The following SDK1 variants were observed in gnomAD, a reference collection of about 807,000 sequenced individuals.
SDK1 encodes the protein sidekick cell adhesion molecule 1.
SDK1 carries 157 observed loss-of-function variants against 245.5 expected under a neutral mutation model. The ratio of observed to expected loss-of-function variants is 0.64; its 90% CI spans 0.56 to 0.73. The LOEUF (loss-of-function observed/expected upper bound fraction) is 0.73. Ranked by LOEUF, SDK1 falls within the 30% of genes least tolerant of loss-of-function variation. The pLI is 0.00. For synonymous variants in SDK1, 1,647 were observed against 1,278.5 expected (o/e 1.29, Z -6.15); for missense variants, 3,583 against 3,002.3 (o/e 1.19, Z -4.52).
At position 3,310,340 on chromosome 7, in the gene SDK1, T is replaced by G. The variant is rs866559085; in HGVS notation, c.298+8456T>G. Among the ~76,000 whole-genome samples the G allele has an allele frequency of 7.2e-5, 11 of 152,260 alleles. No homozygotes were observed. The South Asian group carries it at 2.3e-3, about 32-fold the overall frequency. ...TTTTTGTTGCAAAATTGAGAATGGGTTGGAAGAAACCAGAATGAATGACTG... is the reference window on the plus strand; with the variant it reads ...TTTTTGTTGCAAAATTGAGAATGGGGTGGAAGAAACCAGAATGAATGACTG... On this transcript the variant is annotated intron_variant, in intron 1 of 44. Coordinates refer to ENST00000404826, the MANE Select transcript of SDK1 (RefSeq NM_152744.4).
At position 3,819,384 on chromosome 7, in the gene SDK1, C is replaced by T. The variant is rs141029308; in HGVS notation, c.714-2066C>T. Among the ~76,000 whole-genome samples the T allele has an allele frequency of 1.9e-3, 288 of 151,368 alleles. 2 individuals carry two copies. The highest frequency in any genetic ancestry group is 6.6e-3 in the African/African-American group (274 of 41,304). ...ATTTTCAATACTCTTGAAATAATGC[C>T]GTAAATAATATCGAGAATTCATGGA... On this transcript the variant is annotated intron_variant, in intron 4 of 44. Transcript: ENST00000404826.
intron 22 of SDK1, among the ~76,000 whole-genome samples, chr7:4,083,805 TCCTTC>T (rs1781254030): frequency 3.2e-5 from 1 of 31,570 alleles, no homozygotes; most frequent in Non-Finnish European, 5.7e-5. Context: ...CTCCCTCCCT[TCCTTC>T]CTTTCTTCCT....
At chr7:4,024,681 G>T (rs919655333) in intron 17 of SDK1, among the ~76,000 whole-genome samples, 2 of 152,182 alleles carry the variant, frequency 1.3e-5, no homozygotes, top group Admixed American at 1.3e-4. Context: ...ATTGGACAGA[G>T]GCAAAGATGG....
intron 5 of SDK1, among the ~76,000 whole-genome samples, chr7:3,865,543 C>G (rs1258360496): frequency 6.6e-6 from 1 of 152,208 alleles, no homozygotes; most frequent in African/African-American, 2.4e-5. Context: ...AGGTCTCGCT[C>G]TGTCGCCCAG....
chr7:3,983,003 C>G (rs1783534871), intron 13 of SDK1, among the ~76,000 whole-genome samples: 1 of 152,096 alleles, frequency 6.6e-6, no homozygotes. Flanking sequence ...AGCAAGAGAA[C>G]TAGAATTAGA....
intron 1 of SDK1, among the ~76,000 whole-genome samples, chr7:3,443,598 A>G (rs916088119): frequency 6.6e-6 from 1 of 152,204 alleles, no homozygotes; most frequent in African/African-American, 2.4e-5. Flanking sequence ...TCCAAGTTTA[A>G]ATGTTTCTCA....
At chr7:3,717,749 C>G (rs948524492) in intron 4 of SDK1, among the ~76,000 whole-genome samples, 1 of 152,082 alleles carries the variant, frequency 6.6e-6, no homozygotes, top group Non-Finnish European at 1.5e-5. Context: ...AGTCTTAAAG[C>G]CCTTAGAGAA....
chr7:3,985,233 C>G (rs913572941), intron 13 of SDK1, among the ~76,000 whole-genome samples: 3 of 152,228 alleles, frequency 2.0e-5, no homozygotes, highest in Non-Finnish European at 4.4e-5. Flanking sequence ...CCCAGTCACT[C>G]AGGAAACTAA....
intron 32 of SDK1, among the ~76,000 whole-genome samples, chr7:4,166,261 T>C (rs528689227): frequency 6.8e-4 from 103 of 152,372 alleles, no homozygotes; most frequent in African/African-American, 2.4e-3. Context: ...GCTGTTTCTT[T>C]TTCTCTTCAC....
At chr7:3,346,605 C>A (rs769385363) in intron 1 of SDK1, among the ~76,000 whole-genome samples, 2 of 149,934 alleles carry the variant, frequency 1.3e-5, no homozygotes, top group Non-Finnish European at 3.0e-5. Context: ...GTCTCCAACT[C>A]GTGCTCAGGC....
intron 22 of SDK1, among the ~76,000 whole-genome samples, chr7:4,083,603 C>T (rs1348494006): frequency 6.0e-5 from 6 of 99,206 alleles, no homozygotes; most frequent in Admixed American, 1.2e-4. Context: ...CTTCTTCTCT[C>T]CCTCCCTTCT....
chr7:3,628,021 C>T (rs552465615), intron 2 of SDK1, among the ~76,000 whole-genome samples: 3 of 152,242 alleles, frequency 2.0e-5, no homozygotes, highest in South Asian at 2.1e-4. Context: ...AGTTAAGGAC[C>T]AAAGGTACTA....
At chr7:3,571,296 CTTTTTAA>C (rs1162874928) in intron 1 of SDK1, among the ~76,000 whole-genome samples, 1 of 151,862 alleles carries the variant, frequency 6.6e-6, no homozygotes, top group African/African-American at 2.4e-5. Flanking sequence ...AAGAGAGCAG[CTTTTTAA>C]TTTTTAATTT....
At chr7:3,343,930 G>A (rs779270556) in intron 1 of SDK1, among the ~76,000 whole-genome samples, 6 of 151,394 alleles carry the variant, frequency 4.0e-5, no homozygotes, top group Non-Finnish European at 7.4e-5. Flanking sequence ...AACATATTAC[G>A]GACATATTAT....
chr7:3,885,035 C>T (rs970718036), intron 5 of SDK1, among the ~76,000 whole-genome samples: 2 of 152,152 alleles, frequency 1.3e-5, no homozygotes, highest in African/African-American at 4.8e-5. Flanking sequence ...CCCCGACCCC[C>T]ACCCCGCCCC....
chr7:3,986,799 G>T (rs1375555907), intron 13 of SDK1, among the ~76,000 whole-genome samples: 1 of 152,212 alleles, frequency 6.6e-6, no homozygotes, highest in Admixed American at 6.5e-5. Context: ...GGCGGAGGTT[G>T]CAGTGAGCCG....
chr7:3,356,384 C>T (rs73292185), intron 1 of SDK1, among the ~76,000 whole-genome samples: 2,991 of 152,212 alleles, frequency 0.02, 82 homozygotes, highest in African/African-American at 0.055. Context: ...CTCTCGGAAG[C>T]CCTCGTGTTT....
In SDK1 at chr7:3,638,685, A is replaced by G. The variant is rs867674870; in HGVS notation, c.459-319A>G. 1.0e-4 allele frequency among the ~76,000 whole-genome samples: 15 copies of G among 150,742 alleles called. 1 individual carries two copies. Among genetic ancestry groups the G allele is most frequent in the African/African-American group, 3.7e-4 (15 of 41,064 alleles). On this transcript the variant is annotated intron_variant, in intron 2 of 44. Coordinates refer to ENST00000404826, the MANE Select transcript of SDK1 (RefSeq NM_152744.4). ...GCATTAGGAGATATACCTAATGCTAAATGACGAGTTAATGGGTGCAGCACA... is the reference window on the plus strand; with the variant it reads ...GCATTAGGAGATATACCTAATGCTAGATGACGAGTTAATGGGTGCAGCACA...
chr7:4,128,833 G>C (rs1784572466), intron 26 of SDK1, among the ~76,000 whole-genome samples: 1 of 136,824 alleles, frequency 7.3e-6, no homozygotes, highest in Non-Finnish European at 1.6e-5. Flanking sequence ...GAATAGAGCA[G>C]CTTGGAGTGG....
Sources: allele counts gnomAD v4.1 joint callset (sites outside exome capture counted in the v4.1 genomes callset), GRCh38; gene constraint gnomAD v4.1.1; transcripts MANE v1.5; gene names NCBI Gene and HGNC (gene_info 2026-07-23, HGNC 2026-07-21).